Variants in SLC25A28 observed in about 807,000 individuals in gnomAD.
The protein encoded by SLC25A28 is solute carrier family 25 member 28.
In SLC25A28, 10 loss-of-function variants were observed where a neutral mutation model predicts 31.9. That is an observed-to-expected ratio of 0.31 (90% CI 0.19 to 0.53). SLC25A28 has a LOEUF of 0.53. SLC25A28 is among the 20% of genes least tolerant of loss of function. The probability of loss-of-function intolerance (pLI) is 0.95; values close to 1 mark genes in which losing one functional copy is unlikely to be tolerated. For synonymous variants in SLC25A28, 208 were observed against 203.6 expected (o/e 1.02, Z -0.19); for missense variants, 256 against 490.3 (o/e 0.52, Z 4.51).
chr10:99,630,316 T>C, the SLC25A28 span, among the ~76,000 whole-genome samples: 5 of 151,990 alleles, frequency 3.3e-5, no homozygotes, highest in Admixed American at 3.3e-4. Context: ...ATATTTTTGG[T>C]AGACGCGGGG....
the SLC25A28 span, among the ~76,000 whole-genome samples, chr10:99,627,270 G>A: frequency 6.6e-6 from 1 of 151,902 alleles, no homozygotes; most frequent in Admixed American, 6.6e-5. Context: ...TCTTTTTTTG[G>A]ATACATAGTA....
the SLC25A28 span, among the ~76,000 whole-genome samples, chr10:99,630,354 G>A: frequency 9.9e-4 from 151 of 151,934 alleles, no homozygotes; most frequent in Non-Finnish European, 1.0e-3. Flanking sequence ...GGCTGGTCTC[G>A]AACTCCTGAC....
Position 99,620,238 on chromosome 10 carries a change from A to G in SLC25A28, c.98T>C (p.Leu33Pro). 2 of 1,221,928 alleles carry G rather than the reference A, an allele frequency of 1.6e-6. No homozygotes were observed. The highest frequency in any genetic ancestry group is 1.7e-5 in the South Asian group (1 of 57,916). 75.7% of individuals were successfully genotyped at this position (1,221,928 alleles called of 1,614,324 possible). Residue 33 changes from leucine to proline, a missense_variant, in exon 1 of 4, where the codon CTG becomes CCG. Transcript: ENST00000370495. ...PGESALLDGW[L>P]QRGVGRGAGG... is the part of the protein sequence containing the mutation. ...GGCCCCCCGGCCCACGCCCCGCTGC[A>G]GCCACCCGTCCAGCAGCGCCGACTC...
intron 1 of SLC25A28, chr10:99,617,320 A>T: frequency 1.0e-6 from 1 of 985,482 alleles, no homozygotes; most frequent in Non-Finnish European, 1.2e-6. Flanking sequence ...GCAAGGCTAC[A>T]CTGACTTCTC....
chr10:99,657,296 T>A, the SLC25A28 span, among the ~76,000 whole-genome samples: 2 of 152,210 alleles, frequency 1.3e-5, no homozygotes, highest in South Asian at 2.1e-4. Flanking sequence ...AAGAAATTTT[T>A]AAAAATTACT....
chr10:99,620,117 G>A lies in SLC25A28; in HGVS notation c.219C>T (p.Thr73=). 1 of 1,584,096 alleles carries A rather than the reference G, an allele frequency of 6.3e-7. No homozygotes were observed. Among genetic ancestry groups the A allele is most frequent in the Non-Finnish European group, 8.5e-7 (1 of 1,172,824 alleles). The change falls in exon 1 of 4, where the codon ACC becomes ACT. Residue 73 remains threonine (T), a synonymous_variant. Transcript: ENST00000370495. ...YEALPAGATV[T]THMVAGAVAG... ...CCACGGCGCCTGCCACCATGTGCGT[G>A]GTGACAGTGGCTCCAGCCGGCAGCG...
Position 99,613,998 on chromosome 10 carries a change from C to A in SLC25A28, c.292-74G>T. 1 of 1,461,766 alleles carries A rather than the reference C, an allele frequency of 6.8e-7. No homozygotes were observed. Among genetic ancestry groups the A allele is most frequent in the East Asian group, 2.5e-5 (1 of 40,650 alleles). The allele number at this position is 1,461,766 out of a possible 1,614,324, so 90.5% of individuals were successfully genotyped here. A position where few individuals can be genotyped will look rare whatever the true frequency, so the allele number is the denominator to read the frequency against. On this transcript the variant is annotated intron_variant, in intron 1 of 3. Transcript: ENST00000370495. This position sits in a 1 kb window ranked among gnomAD's most constrained non-coding sequence, Gnocchi z 4.9. ...GCCCCACCTCAACACACTGGGCAGACCTTCTACATGGAGCTGTGCCAATCT... is the reference window on the plus strand; with the variant it reads ...GCCCCACCTCAACACACTGGGCAGAACTTCTACATGGAGCTGTGCCAATCT...
chr10:99,658,955 G>A, the SLC25A28 span, among the ~76,000 whole-genome samples: 15 of 152,292 alleles, frequency 9.8e-5, no homozygotes, highest in Admixed American at 9.8e-4. Context: ...TGGTGTAAAC[G>A]TCATTGTCTT....
chr10:99,640,501 T>C, the SLC25A28 span, among the ~76,000 whole-genome samples: 1 of 152,216 alleles, frequency 6.6e-6, no homozygotes, highest in Admixed American at 6.5e-5. Flanking sequence ...CTCATTGTGG[T>C]TTTATTTTTT....
At chr10:99,620,891 G>C, upstream of SLC25A28, 1 of 985,472 alleles carries the variant, frequency 1.0e-6, no homozygotes, top group Non-Finnish European at 1.2e-6. Context: ...ATCGCGTCGG[G>C]GGCGGGGCGG....
intron 1 of SLC25A28, chr10:99,616,400 T>C (rs774505434): frequency 2.6e-5 from 24 of 908,232 alleles, no homozygotes; most frequent in South Asian, 5.1e-5. Flanking sequence ...GTAAAAGCCA[T>C]TGGTAATTTA....
intron 1 of SLC25A28, chr10:99,617,748 C>A: frequency 1.0e-6 from 1 of 985,418 alleles, no homozygotes. Flanking sequence ...GTTGACAACT[C>A]CTGAGCATTT....
chr10:99,651,193 A>C, the SLC25A28 span, among the ~76,000 whole-genome samples: 3 of 152,090 alleles, frequency 2.0e-5, no homozygotes, highest in Admixed American at 2.0e-4. Flanking sequence ...TCTCTACTAG[A>C]CAATCTCTTT....
At chr10:99,641,589 A>G in the SLC25A28 span, among the ~76,000 whole-genome samples, 1 of 152,056 alleles carries the variant, frequency 6.6e-6, no homozygotes, top group African/African-American at 2.4e-5. Context: ...CCATTTGTCT[A>G]TTTTGGCTTT....
chr10:99,653,431 C>T, the SLC25A28 span, among the ~76,000 whole-genome samples: 2 of 152,204 alleles, frequency 1.3e-5, no homozygotes, highest in Non-Finnish European at 2.9e-5. Flanking sequence ...CCGCCTATAA[C>T]CCCAGCTGAC....
At chr10:99,631,878 ATTTTTTTTTTTTATTTT>A in the SLC25A28 span, among the ~76,000 whole-genome samples, 1 of 92,904 alleles carries the variant, frequency 1.1e-5, no homozygotes, top group Non-Finnish European at 2.0e-5. Flanking sequence ...TCAGTATGTT[ATTTTTTTTTTTTATTTT>A]TTTTTTTTTT....
At chr10:99,640,767 C>T in the SLC25A28 span, among the ~76,000 whole-genome samples, 3 of 151,518 alleles carry the variant, frequency 2.0e-5, no homozygotes, top group African/African-American at 7.3e-5. Context: ...ATCCTGTGTC[C>T]AAGTGTTCTC....
the SLC25A28 span, among the ~76,000 whole-genome samples, chr10:99,639,046 A>G: frequency 2.0e-5 from 3 of 152,210 alleles, no homozygotes; most frequent in African/African-American, 7.2e-5. Context: ...CCAAATGCCC[A>G]TCAATCAATG....
the SLC25A28 span, among the ~76,000 whole-genome samples, chr10:99,630,934 AAGATAAGAAG>A: frequency 6.6e-6 from 1 of 152,194 alleles, no homozygotes; most frequent in Admixed American, 6.5e-5. Flanking sequence ...TAATATTTTA[AAGATAAGAAG>A]AGTTAATTAG....
Sources: gnomAD v4.1 joint callset for allele counts (sites outside exome capture counted in the v4.1 genomes callset) on GRCh38, gnomAD v4.1.1 for gene constraint, Gnocchi (gnomAD v3.1) non-coding constraint, MANE v1.5 for transcripts, NCBI Gene and HGNC (gene_info 2026-07-23, HGNC 2026-07-21) for gene names.